Variants in CEP89 observed in about 807,000 individuals in gnomAD.
CEP89 encodes centrosomal protein of 89 kDa.
In CEP89, 95 loss-of-function variants were observed where a neutral mutation model predicts 97.6. The ratio of observed to expected loss-of-function variants is 0.97; its 90% CI spans 0.82 to 1.15. The LOEUF is 1.15. CEP89 is among the 50% of genes most tolerant of loss of function. The probability of loss-of-function intolerance (pLI) is 0.00; values close to 1 mark genes in which losing one functional copy is unlikely to be tolerated. For missense variants in CEP89, 869 were observed against 947.7 expected (o/e 0.92, Z 1.09); for synonymous variants, 354 against 349.1 (o/e 1.01, Z -0.16).
rs776349640 is a variant in CEP89, at chr19:32,933,582, T to C, written c.755A>G (p.Asn252Ser). 2 of 1,613,176 alleles carry C rather than the reference T, an allele frequency of 1.2e-6. No homozygotes were observed. The highest frequency in any genetic ancestry group is 8.5e-7 in the Non-Finnish European group (1 of 1,179,096). ...TTCAAGGGTAAGGCTTTGATTCATA[T>C]TGTTTAGGTCCATATTTTCTTCTTT... ...ALKEENMDLNNMNQSLTLELN... is the reference protein window; with the variant it reads ...ALKEENMDLNSMNQSLTLELN... Residue 252 changes from asparagine to serine, a missense_variant, in exon 8 of 19, where the codon AAT becomes AGT. Transcript: ENST00000305768.
chr19:32,912,148 A>G (rs971655764), intron 14 of CEP89, among the ~76,000 whole-genome samples: 10 of 151,476 alleles, frequency 6.6e-5, no homozygotes, highest in Admixed American at 2.0e-4. Context: ...GGCTGCAGTG[A>G]GCCAAGATCG....
chr19:32,959,795 A>G (rs752304257), intron 3 of CEP89, 105 bp downstream of exon 3: 3 of 1,223,836 alleles, frequency 2.5e-6, no homozygotes, highest in Non-Finnish European at 3.4e-6. Context: ...CCACACAGGT[A>G]CACATGCACA....
chr19:32,879,103 G>T lies in CEP89; in HGVS notation c.*59C>A. ...CACCATGGGCTGCCCTGCAGGGAAG[G>T]CCTGTGTGAGGCAGACCTTTCAGGC... On this transcript the variant is annotated 3_prime_UTR_variant, in exon 19 of 19. Coordinates refer to ENST00000305768, the MANE Select transcript of CEP89 (RefSeq NM_032816.5). 2 of 1,404,644 alleles carry T rather than the reference G, an allele frequency of 1.4e-6. No homozygotes were observed. Among genetic ancestry groups the T allele is most frequent in the Non-Finnish European group, 2.0e-6 (2 of 1,024,144 alleles). The allele number at this position is 1,404,644 out of a possible 1,614,324, so 87.0% of individuals were successfully genotyped here.
At chr19:32,912,300 C>T (rs1429099143) in intron 14 of CEP89, among the ~76,000 whole-genome samples, 1 of 152,036 alleles carries the variant, frequency 6.6e-6, no homozygotes, top group African/African-American at 2.4e-5. Flanking sequence ...CAGTTGTTTG[C>T]TCAAACACTA....
intron 2 of CEP89, chr19:32,963,992 C>T (rs1019404280): frequency 6.7e-6 from 1 of 148,410 alleles, no homozygotes; most frequent in Non-Finnish European, 1.5e-5. Context: ...TCTGACCAAA[C>T]CAAGTGTTGG....
chr19:32,879,207 G>A lies in CEP89; in HGVS notation c.2307C>T (p.Cys769=), dbSNP rs201835752. 56 of 1,614,020 alleles carry A rather than the reference G, an allele frequency of 3.5e-5. No individual in the cohort carries two copies. In the East Asian group the frequency reaches 9.1e-4, roughly 26 times the overall value. Reference sequence around the variant, plus strand: ...ACTTCAGGTCATAGGAGCAGACATCGCAGCCGTCCAGCAGGTCTGCCTGAG... The same window carrying A: ...ACTTCAGGTCATAGGAGCAGACATCACAGCCGTCCAGCAGGTCTGCCTGAG... ...GVSQADLLDG[C]DVCSYDLKSH... is the part of the protein sequence containing the mutation. The change falls in exon 19 of 19, where the codon TGC becomes TGT. Residue 769 remains cysteine, a synonymous_variant. Transcript: ENST00000305768.
chr19:32,885,297 G>A (rs58744764), intron 17 of CEP89, among the ~76,000 whole-genome samples: 12,362 of 152,134 alleles, frequency 0.081, 1,561 homozygotes, highest in African/African-American at 0.27. Flanking sequence ...TAATTTTGCC[G>A]AAGTTTCCCC....
chr19:32,890,902 C>A (rs1162369102), intron 16 of CEP89, among the ~76,000 whole-genome samples: 1 of 152,136 alleles, frequency 6.6e-6, no homozygotes, highest in Non-Finnish European at 1.5e-5. Flanking sequence ...TACATCCTGC[C>A]CTGGGACCCA....
At chr19:32,913,309 T>A (rs1432640857) in intron 14 of CEP89, among the ~76,000 whole-genome samples, 488 of 34,644 alleles carry the variant, frequency 0.014, 1 homozygote, top group African/African-American at 0.039. Flanking sequence ...ATATATATTT[T>A]TTTGTTGTTG....
intron 9 of CEP89, among the ~76,000 whole-genome samples, chr19:32,927,900 TG>T (rs1970394324): frequency 7.2e-6 from 1 of 138,344 alleles, no homozygotes; most frequent in Non-Finnish European, 1.5e-5. Context: ...CCAGCACACT[TG>T]GCTTTTTTTT....
At chr19:32,899,771 T>G (rs1969723829) in intron 16 of CEP89, 86 bp downstream of exon 16, 1 of 1,391,392 alleles carries the variant, frequency 7.2e-7, no homozygotes, top group Non-Finnish European at 1.0e-6. Context: ...GATAAAGCTT[T>G]TAATAGATCA....
intron 3 of CEP89, 110 bp downstream of exon 3, chr19:32,959,790 C>T: frequency 2.5e-6 from 3 of 1,199,410 alleles, no homozygotes; most frequent in South Asian, 3.0e-5. Context: ...CGCACCCACA[C>T]AGGTACACAT....
At chr19:32,887,112 G>A (rs1035741873) in intron 17 of CEP89, among the ~76,000 whole-genome samples, 1 of 151,572 alleles carries the variant, frequency 6.6e-6, no homozygotes. Flanking sequence ...GATCCACTGA[G>A]CCCGGGAGTT....
intron 7 of CEP89, among the ~76,000 whole-genome samples, chr19:32,935,140 G>A (rs1254997449): frequency 6.6e-6 from 1 of 152,136 alleles, no homozygotes; most frequent in Non-Finnish European, 1.5e-5. Flanking sequence ...CAGGGCAGGG[G>A]GCTGGAGAAA....
intron 17 of CEP89, among the ~76,000 whole-genome samples, chr19:32,885,416 G>T (rs989698868): frequency 2.0e-5 from 3 of 152,140 alleles, no homozygotes; most frequent in African/African-American, 7.2e-5. Context: ...AAACTCCTGG[G>T]CTCAATCAAT....
Position 32,971,861 on chromosome 19 carries a change from A to C in CEP89, c.14T>G (p.Phe5Cys), listed in dbSNP as rs1461200312. The part of the protein sequence containing the change: MLLG[F>C]RRGRRSHFKH... ...GAAATGACTCCTGCGGCCTCTCCGA[A>C]ATCCCAGGAGCATCCTTGCAGCGCG... Residue 5 changes from phenylalanine (F) to cysteine (C), a missense_variant, in exon 1 of 19, where the codon TTT becomes TGT. Physicochemically the swap from Phe to Cys is radical, Grantham distance 205. Transcript: ENST00000305768. The C allele has an allele frequency of 6.3e-7, 1 of 1,593,168 alleles. No individual in the cohort carries two copies. The highest frequency in any genetic ancestry group is 1.1e-5 in the South Asian group (1 of 88,210).
intron 12 of CEP89, among the ~76,000 whole-genome samples, chr19:32,920,670 G>A (rs10411171): frequency 0.63 from 95,464 of 151,110 alleles, 30,618 homozygotes; most frequent in African/African-American, 0.72. Context: ...TTTTAGTAGA[G>A]ATGCGGTTTC....
At chr19:32,895,916 T>A (rs1464988453) in intron 16 of CEP89, among the ~76,000 whole-genome samples, 1 of 152,038 alleles carries the variant, frequency 6.6e-6, no homozygotes, top group East Asian at 1.9e-4. Context: ...ACCAAAGAAG[T>A]TAAAGATTTC....
At chr19:32,903,187 A>AG (rs886923875) in intron 14 of CEP89, among the ~76,000 whole-genome samples, 1 of 151,602 alleles carries the variant, frequency 6.6e-6, no homozygotes, top group Admixed American at 6.6e-5. Flanking sequence ...ACAAAAAGAA[A>AG]AAAAAAAAGA....
Sources: allele counts gnomAD v4.1 joint callset (sites outside exome capture counted in the v4.1 genomes callset), GRCh38; gene constraint gnomAD v4.1.1; transcripts MANE v1.5; gene names NCBI Gene and HGNC (gene_info 2026-07-23, HGNC 2026-07-21).